MAD1L1: variants seen among roughly 807,000 people sequenced by gnomAD.
MAD1L1 encodes the protein mitotic arrest deficient 1 like 1, also known as mitotic spindle assembly checkpoint protein MAD1.
Under a neutral mutation model 96.9 loss-of-function variants are expected in MAD1L1, and 95 were observed. The observed-to-expected ratio is 0.98, with a 90% CI of 0.83 to 1.16. The LOEUF (loss-of-function observed/expected upper bound fraction) is 1.16. Among genes scored for constraint, MAD1L1 ranks in the 50% most tolerant of loss-of-function variants. The probability of loss-of-function intolerance (pLI) is 0.00; values close to 1 mark genes in which losing one functional copy is unlikely to be tolerated. For missense variants in MAD1L1, 1,007 were observed against 954.4 expected (o/e 1.06, Z -0.73); for synonymous variants, 473 against 396.6 (o/e 1.19, Z -2.29).
intron 18 of MAD1L1, among the ~76,000 whole-genome samples, chr7:1,872,149 C>T (rs557668317): frequency 4.5e-4 from 69 of 152,328 alleles, no homozygotes; most frequent in East Asian, 2.1e-3. Flanking sequence ...CCCTGTCCCG[C>T]GACAGAGAGG....
intron 10 of MAD1L1, among the ~76,000 whole-genome samples, chr7:2,166,952 C>T (rs2128592199): frequency 6.6e-6 from 1 of 152,366 alleles, no homozygotes; most frequent in South Asian, 2.1e-4. Flanking sequence ...CCCCGGGCTG[C>T]TGGAGACTGA....
rs1785511930 is a variant in MAD1L1 at position 1,878,676 on chromosome 7, C to T, written c.1998+19524G>A. ...TGAAAAACTCATATTTAACAGCATA[C>T]TAATGTCAAAATACTGGATGCTTTC... On this transcript the variant is annotated intron_variant, in intron 18 of 18. Coordinates refer to ENST00000265854, the MANE Select transcript of MAD1L1 (RefSeq NM_001013836.2). 2.6e-5 allele frequency among the ~76,000 whole-genome samples: 4 copies of T among 151,476 alleles called. No homozygotes were observed. The South Asian group carries it at 8.3e-4, about 32-fold the overall frequency.
chr7:1,979,432 C>G (rs1780793148), intron 15 of MAD1L1, among the ~76,000 whole-genome samples: 1 of 152,228 alleles, frequency 6.6e-6, no homozygotes, highest in Non-Finnish European at 1.5e-5. Flanking sequence ...CAGCCACCGC[C>G]TCCCACATTG....
intron 16 of MAD1L1, 73 bp downstream of exon 16, chr7:1,957,556 C>A: frequency 6.9e-7 from 1 of 1,448,318 alleles, no homozygotes; most frequent in South Asian, 1.2e-5. Flanking sequence ...CAGCAGGAAC[C>A]ACGGTCGTTC....
In MAD1L1 at chr7:1,940,964, G is replaced by GCAGGCCTCAGCCTCCTCTTCCTCTCC. The variant is rs1778942050; in HGVS notation, c.1597-4068_1597-4067insGGAGAGGAAGAGGAGGCTGAGGCCTG. Reference sequence around the variant, plus strand: ...GCCTCACCCTCCTCTTCCTCCCCCCGCAGGCCTCACCCTCCTCTTCCTCTC... The same window carrying GCAGGCCTCAGCCTCCTCTTCCTCTCC: ...GCCTCACCCTCCTCTTCCTCCCCCCGCAGGCCTCAGCCTCCTCTTCCTCTCCCAGGCCTCACCCTCCTCTTCCTCTC... On this transcript the variant is annotated intron_variant, in intron 16 of 18. Coordinates refer to ENST00000265854, the MANE Select transcript of MAD1L1 (RefSeq NM_001013836.2). 1.2e-3 allele frequency among the ~76,000 whole-genome samples: 77 copies of GCAGGCCTCAGCCTCCTCTTCCTCTCC among 64,378 alleles called. 1 individual carries two copies. The highest frequency in any genetic ancestry group is 2.7e-3 in the Admixed American group (20 of 7,342). 42.2% of individuals were successfully genotyped at this position (64,378 alleles called of 152,430 possible).
chr7:1,863,705 G>A (rs1784640787), intron 18 of MAD1L1, among the ~76,000 whole-genome samples: 1 of 152,190 alleles, frequency 6.6e-6, no homozygotes, highest in Non-Finnish European at 1.5e-5. Flanking sequence ...GGAGCTCCTG[G>A]GTGGAGGGTG....
Position 2,014,496 on chromosome 7 carries a change from C to G in MAD1L1, c.1359+6G>C, listed in dbSNP as rs1462359549. ...CGACGTGAGCCCCACGCCCGCGGCC[C>G]CTCACCTCCATCTCGGCGCTGTGGC... On this transcript the variant is annotated splice_donor_region_variant and intron_variant, in intron 13 of 18. Coordinates refer to ENST00000265854, the MANE Select transcript of MAD1L1 (RefSeq NM_001013836.2). The G allele has an allele frequency of 4.4e-6, 7 of 1,575,858 alleles. No homozygotes were observed. The highest frequency in any genetic ancestry group is 6.0e-6 in the Non-Finnish European group (7 of 1,162,688).
At chr7:2,109,700 T>C (rs982671479) in intron 11 of MAD1L1, 1 of 152,230 alleles carries the variant, frequency 6.6e-6, no homozygotes, top group Non-Finnish European at 1.5e-5. Flanking sequence ...TTTTATAGCA[T>C]TATATTTAGA....
chr7:1,909,187 G>A (rs977403141), intron 17 of MAD1L1, among the ~76,000 whole-genome samples: 1 of 152,156 alleles, frequency 6.6e-6, no homozygotes, highest in African/African-American at 2.4e-5. Flanking sequence ...TGACCTCGAC[G>A]AGAGACGACC....
At chr7:2,201,530 A>T (rs1268032547) in intron 10 of MAD1L1, among the ~76,000 whole-genome samples, 1 of 152,180 alleles carries the variant, frequency 6.6e-6, no homozygotes, top group African/African-American at 2.4e-5. Context: ...TAAATCCTGG[A>T]ACCTACGGCA....
chr7:1,982,316 C>A lies in MAD1L1; in HGVS notation c.1417-1775G>T, dbSNP rs559269857. 3.3e-5 allele frequency among the ~76,000 whole-genome samples: 5 copies of A among 152,270 alleles called. No homozygotes were observed. In the South Asian group the frequency reaches 1.0e-3, roughly 32 times the overall value. On this transcript the variant is annotated intron_variant, in intron 14 of 18. Transcript: ENST00000265854. The stretch of plus-strand genomic sequence containing the variant: ...CTGCAGCTCCCAGGTTCAAGCGATT[C>A]TCCTGCCTCAGCCTCCCAAGTTGCT...
At chr7:2,014,463 C>T (rs1782441275) in intron 13 of MAD1L1, 39 bp downstream of exon 13, 1 of 1,525,912 alleles carries the variant, frequency 6.6e-7, no homozygotes, top group African/African-American at 1.4e-5. Flanking sequence ...GGAAGAAGCC[C>T]CACCTGGCGA....
chr7:2,108,477 C>A (rs1787208585), intron 11 of MAD1L1, among the ~76,000 whole-genome samples: 1 of 152,176 alleles, frequency 6.6e-6, no homozygotes, highest in South Asian at 2.1e-4. Context: ...GTGTTTTTCT[C>A]CCTTTGTTTT....
intron 12 of MAD1L1, among the ~76,000 whole-genome samples, chr7:2,045,430 G>C (rs1454524479): frequency 6.6e-6 from 1 of 152,164 alleles, no homozygotes; most frequent in Non-Finnish European, 1.5e-5. Context: ...AGCACTCTGC[G>C]TGTACATAGC....
chr7:1,987,734 A>G (rs1473179018), intron 14 of MAD1L1, among the ~76,000 whole-genome samples: 1 of 152,180 alleles, frequency 6.6e-6, no homozygotes, highest in Non-Finnish European at 1.5e-5. Context: ...TCGGCAGCCG[A>G]GAGTGGAGGG....
chr7:1,949,333 T>A (rs1779380380), intron 16 of MAD1L1, among the ~76,000 whole-genome samples: 3 of 152,180 alleles, frequency 2.0e-5, no homozygotes, highest in Admixed American at 2.0e-4. Context: ...CACGCAAGCA[T>A]CGCCCGGGGG....
At chr7:2,030,037 C>T (rs936709828) in intron 12 of MAD1L1, among the ~76,000 whole-genome samples, 4 of 152,292 alleles carry the variant, frequency 2.6e-5, no homozygotes, top group Admixed American at 6.5e-5. Flanking sequence ...CTGTGGACAC[C>T]GGGCTCACCA....
At chr7:2,210,043 A>G (rs1792827550) in intron 10 of MAD1L1, 1 of 152,240 alleles carries the variant, frequency 6.6e-6, no homozygotes, top group Admixed American at 6.5e-5. Flanking sequence ...CCCTAAAAAC[A>G]GAAAAGAAAG....
rs367869848 is a variant in MAD1L1, at chr7:2,133,164, T to G, written c.1073+15988A>C. Among the ~76,000 whole-genome samples, 33 of 127,382 alleles carry G rather than the reference T, an allele frequency of 2.6e-4. 1 individual carries two copies. Among genetic ancestry groups the G allele is most frequent in the South Asian group, 5.4e-4 (2 of 3,678 alleles). 83.6% of individuals were successfully genotyped at this position (127,382 alleles called of 152,430 possible). On this transcript the variant is annotated intron_variant, in intron 11 of 18. Transcript: ENST00000265854. ...TGAGCATCTCCTCATGTGCTTCTCC[T>G]TCACCCACGTGTCTGCTTTGGTGAG...
Sources: gnomAD v4.1 joint callset for allele counts (sites outside exome capture counted in the v4.1 genomes callset) on GRCh38, gnomAD v4.1.1 for gene constraint, MANE v1.5 for transcripts, NCBI Gene and HGNC (gene_info 2026-07-23, HGNC 2026-07-21) for gene names.